SH3BGRL2: variants seen among roughly 807,000 people sequenced by gnomAD.
The protein encoded by SH3BGRL2 is SH3 domain binding glutamate rich protein like 2.
A neutral mutation model predicts 14.8 loss-of-function variants in SH3BGRL2; 21 were observed. That is an observed-to-expected ratio of 1.42 (90% CI 1.01 to 2.05). The LOEUF is 2.05. Among genes scored for constraint, SH3BGRL2 ranks in the 30% most tolerant of loss-of-function variants. The pLI, the probability that SH3BGRL2 is intolerant of heterozygous loss-of-function variation, is 0.00. For synonymous variants in SH3BGRL2, 50 were observed against 47.8 expected (o/e 1.05, Z -0.19); for missense variants, 147 against 130.8 (o/e 1.12, Z -0.61).
intron 2 of SH3BGRL2, among the ~76,000 whole-genome samples, chr6:79,692,481 T>TGG (rs1189045733): frequency 6.6e-6 from 1 of 152,246 alleles, no homozygotes; most frequent in Non-Finnish European, 1.5e-5. Flanking sequence ...AGGGTTTTTA[T>TGG]GGTTCTAGGT....
At chr6:79,543,051 G>C in the SH3BGRL2 span, among the ~76,000 whole-genome samples, 1 of 152,188 alleles carries the variant, frequency 6.6e-6, no homozygotes, top group Non-Finnish European at 1.5e-5. Flanking sequence ...ACAACTCTGA[G>C]AAATGGAATA....
chr6:79,586,420 T>TA, the SH3BGRL2 span, among the ~76,000 whole-genome samples: 1 of 152,030 alleles, frequency 6.6e-6, no homozygotes, highest in South Asian at 2.1e-4. Flanking sequence ...CTTTACCTTT[T>TA]ACATATGAAT....
chr6:79,593,383 A>G, the SH3BGRL2 span, among the ~76,000 whole-genome samples: 3 of 152,186 alleles, frequency 2.0e-5, no homozygotes, highest in African/African-American at 7.2e-5. Context: ...ACAAGGTAAC[A>G]TGGGCCAGCT....
chr6:79,560,344 A>G, the SH3BGRL2 span, among the ~76,000 whole-genome samples: 2 of 152,244 alleles, frequency 1.3e-5, no homozygotes, highest in Admixed American at 1.3e-4. Flanking sequence ...TAGTAACAGT[A>G]GAGTTATTGA....
chr6:79,596,404 C>T, the SH3BGRL2 span, among the ~76,000 whole-genome samples: 2 of 152,192 alleles, frequency 1.3e-5, no homozygotes, highest in Non-Finnish European at 2.9e-5. Flanking sequence ...AAACGATCAT[C>T]CCACCTCAGC....
At chr6:79,689,625 A>C (rs561450724) in intron 2 of SH3BGRL2, among the ~76,000 whole-genome samples, 7 of 151,818 alleles carry the variant, frequency 4.6e-5, no homozygotes, top group African/African-American at 1.7e-4. Flanking sequence ...ACAATCTCAA[A>C]ATTTTGAGGC....
At chr6:79,676,197 G>A (rs373778555) in intron 2 of SH3BGRL2, among the ~76,000 whole-genome samples, 2 of 151,984 alleles carry the variant, frequency 1.3e-5, no homozygotes, top group East Asian at 1.9e-4. Context: ...ACTCTCTAGC[G>A]TGCAGATTTT....
chr6:79,633,398 A>G (rs1486845660), intron 1 of SH3BGRL2, among the ~76,000 whole-genome samples: 1 of 152,166 alleles, frequency 6.6e-6, no homozygotes, highest in Non-Finnish European at 1.5e-5. Context: ...CTTGAACAAT[A>G]TACCTACCTA....
At chr6:79,674,768 G>C (rs1769848036) in intron 2 of SH3BGRL2, among the ~76,000 whole-genome samples, 1 of 152,140 alleles carries the variant, frequency 6.6e-6, no homozygotes, top group Admixed American at 6.5e-5. Flanking sequence ...GCATCCTGAG[G>C]AGAATCCTGA....
chr6:79,678,440 C>T (rs1769927362), intron 2 of SH3BGRL2, among the ~76,000 whole-genome samples: 1 of 152,122 alleles, frequency 6.6e-6, no homozygotes. Context: ...CAAGGTTCAT[C>T]CATGTTCTAG....
chr6:79,654,028 T>C (rs933488007), intron 1 of SH3BGRL2, among the ~76,000 whole-genome samples: 1 of 152,212 alleles, frequency 6.6e-6, no homozygotes, highest in African/African-American at 2.4e-5. Context: ...AATAGTTGCG[T>C]TGTCACAGTG....
Position 79,696,542 on chromosome 6 carries a change from C to G in SH3BGRL2, c.289C>G (p.Leu97Val), listed in dbSNP as rs1292485721. The change falls in exon 3 of 4, where the codon CTG (leucine) becomes GTG (valine). Residue 97 changes from leucine to valine, a missense_variant. Transcript: ENST00000369838. ...CAACACAGTCTTTTCATTTTTAGGC[C>G]TGAAACCACGGTTGGCATCAAAGGT... ...ESNTVFSFLG[L>V]KPRLASKAEP 1 of 1,571,356 alleles carries G rather than the reference C, an allele frequency of 6.4e-7. No homozygotes were observed.
chr6:79,631,505 C>T lies in SH3BGRL2; in HGVS notation c.44C>T (p.Ala15Val). ...ATCGCCTCTTCCTCGGGCTTCGTGGCGGTGAGCGCGGTGGGGGCGGGCAGT... is the reference window on the plus strand; with the variant it reads ...ATCGCCTCTTCCTCGGGCTTCGTGGTGGTGAGCGCGGTGGGGGCGGGCAGT... ...VFIASSSGFV[A>V]IKKKQQDVVR... Residue 15 changes from alanine (A) to valine (V), a missense_variant and splice_region_variant, in exon 1 of 4, where the codon GCG (alanine) becomes GTG (valine). Physicochemically the swap from Ala to Val is moderately conservative, Grantham distance 64. Transcript: ENST00000369838. 1 of 1,468,620 alleles carries T rather than the reference C, an allele frequency of 6.8e-7. No homozygotes were observed. The highest frequency in any genetic ancestry group is 1.4e-5 in the South Asian group (1 of 69,962). 91.0% of individuals were successfully genotyped at this position (1,468,620 alleles called of 1,614,324 possible). A position where few individuals can be genotyped will look rare whatever the true frequency, so the allele number is the denominator to read the frequency against.
intron 1 of SH3BGRL2, among the ~76,000 whole-genome samples, chr6:79,671,603 A>T (rs1436046342): frequency 1.3e-5 from 2 of 152,224 alleles, no homozygotes; most frequent in East Asian, 3.8e-4. Context: ...GAATAAAAAA[A>T]TTCATTGTGT....
At chr6:79,662,784 A>C (rs1244230927) in intron 1 of SH3BGRL2, among the ~76,000 whole-genome samples, 1 of 152,214 alleles carries the variant, frequency 6.6e-6, no homozygotes, top group East Asian at 1.9e-4. Context: ...CAGGTACACC[A>C]ATCAAACGTA....
chr6:79,699,361 C>A, intron 3 of SH3BGRL2, 137 bp from the exon 4 acceptor site: 1 of 1,001,894 alleles, frequency 1.0e-6, no homozygotes, highest in Non-Finnish European at 1.4e-6. Context: ...TCTTATCAAT[C>A]ACATGGAGGT....
At chr6:79,676,605 A>T (rs182549168) in intron 2 of SH3BGRL2, among the ~76,000 whole-genome samples, 1 of 139,672 alleles carries the variant, frequency 7.2e-6, no homozygotes, top group Non-Finnish European at 1.5e-5. Flanking sequence ...GTCTTTATGT[A>T]TGTGTGTGTG....
At chr6:79,660,625 C>T (rs959047475) in intron 1 of SH3BGRL2, among the ~76,000 whole-genome samples, 5 of 152,074 alleles carry the variant, frequency 3.3e-5, no homozygotes, top group Admixed American at 6.6e-5. Flanking sequence ...CTCTGCTAGG[C>T]TTTGGTAACT....
chr6:79,616,707 G>A, the SH3BGRL2 span, among the ~76,000 whole-genome samples: 1 of 152,184 alleles, frequency 6.6e-6, no homozygotes, highest in Admixed American at 6.5e-5. Context: ...CACTGTGTTA[G>A]GACCATACCT....
Sources: gnomAD v4.1 joint callset for allele counts (sites outside exome capture counted in the v4.1 genomes callset) on GRCh38, gnomAD v4.1.1 for gene constraint, MANE v1.5 for transcripts, NCBI Gene and HGNC (gene_info 2026-07-23, HGNC 2026-07-21) for gene names.